The following PGM1 variants were observed in gnomAD, a reference collection of about 807,000 sequenced individuals.
The protein encoded by PGM1 is phosphoglucomutase 1.
In PGM1, 52 loss-of-function variants were observed where a neutral mutation model predicts 55.6. That is an observed-to-expected ratio of 0.94 (90% CI 0.75 to 1.18). The LOEUF is 1.18. Ranked by LOEUF, PGM1 falls within the 50% of genes most tolerant of loss-of-function variation. The pLI is 0.00. For synonymous variants in PGM1, 287 were observed against 271.7 expected (o/e 1.06, Z -0.55); for missense variants, 724 against 729.3 (o/e 0.99, Z 0.08).
At chr1:63,641,159 T>C (rs1649505196) in intron 7 of PGM1, among the ~76,000 whole-genome samples, 1 of 152,214 alleles carries the variant, frequency 6.6e-6, no homozygotes, top group Non-Finnish European at 1.5e-5. Flanking sequence ...TTAAAGTTTG[T>C]TCTCATTTAT....
At position 63,601,461 on chromosome 1, in the gene PGM1, A is replaced by G. The variant is rs572292134; in HGVS notation, c.246+7727A>G. On this transcript the variant is annotated intron_variant, in intron 1 of 10. Coordinates refer to ENST00000371084, the MANE Select transcript of PGM1 (RefSeq NM_002633.3). ...AGCTACACTTCTAAGAAAGTGAAGCAGGAAAGTTTGAACTGATCCCTTTAT... is the reference window on the plus strand; with the variant it reads ...AGCTACACTTCTAAGAAAGTGAAGCGGGAAAGTTTGAACTGATCCCTTTAT... Among the ~76,000 whole-genome samples, 3 of 152,362 alleles carry G rather than the reference A, an allele frequency of 2.0e-5. No homozygotes were observed. The East Asian group carries it at 5.8e-4, about 29-fold the overall frequency.
At chr1:63,624,096 G>A (rs1198758317) in intron 1 of PGM1, among the ~76,000 whole-genome samples, 1 of 152,164 alleles carries the variant, frequency 6.6e-6, no homozygotes, top group Non-Finnish European at 1.5e-5. Flanking sequence ...GGGGCACCCT[G>A]TCCTGTGTAA....
intron 1 of PGM1, among the ~76,000 whole-genome samples, chr1:63,597,876 TTTG>T (rs937697563): frequency 1.8e-4 from 28 of 152,146 alleles, no homozygotes; most frequent in African/African-American, 5.3e-4. Flanking sequence ...AAGGAGGGTA[TTTG>T]TTGTTGTTGT....
At chr1:63,614,729 TGACCTCG>T (rs576817885) in intron 1 of PGM1, among the ~76,000 whole-genome samples, 1 of 152,058 alleles carries the variant, frequency 6.6e-6, no homozygotes, top group East Asian at 1.9e-4. Context: ...ACAATCTACC[TGACCTCG>T]GACAGATGAC....
intron 4 of PGM1, among the ~76,000 whole-genome samples, chr1:63,632,441 C>T (rs954657012): frequency 1.3e-5 from 2 of 152,122 alleles, no homozygotes; most frequent in African/African-American, 4.8e-5. Flanking sequence ...TGATGCAATT[C>T]GGGGATTCCT....
chr1:63,605,541 A>T (rs1017558797), intron 1 of PGM1, among the ~76,000 whole-genome samples: 1 of 152,068 alleles, frequency 6.6e-6, no homozygotes, highest in East Asian at 1.9e-4. Context: ...CCATTGTCTG[A>T]CAGAGAATCC....
In PGM1 at chr1:63,593,600, A is replaced by C; in HGVS notation, c.112A>C (p.Asn38His). 6.2e-7 allele frequency: 1 copy of C among 1,613,510 alleles called. No homozygotes were observed. Among genetic ancestry groups the C allele is most frequent in the Non-Finnish European group, 8.5e-7 (1 of 1,179,882 alleles). ...VFQSSANYAENFIQSIISTVE... is the reference protein window; with the variant it reads ...VFQSSANYAEHFIQSIISTVE... ...CCAGAGCAGCGCCAACTACGCGGAG[A>C]ACTTCATCCAGAGTATCATCTCCAC... Residue 38 changes from asparagine (N) to histidine (H), a missense_variant, in exon 1 of 11, where the codon AAC becomes CAC. Physicochemically the swap from Asn to His is moderately conservative, Grantham distance 68. Transcript: ENST00000371084.
intron 1 of PGM1, among the ~76,000 whole-genome samples, chr1:63,621,773 A>G (rs3790861): frequency 0.091 from 13,900 of 152,180 alleles, 705 homozygotes; most frequent in East Asian, 0.23. Context: ...TGTTAATGTT[A>G]TGTCTCGAGG....
At chr1:63,630,471 C>G (rs924528085) in intron 3 of PGM1, among the ~76,000 whole-genome samples, 3 of 152,192 alleles carry the variant, frequency 2.0e-5, no homozygotes, top group African/African-American at 7.2e-5. Flanking sequence ...GCAGCACTGT[C>G]AGCATTCACT....
intron 4 of PGM1, among the ~76,000 whole-genome samples, chr1:63,633,451 G>A (rs538863531): frequency 1.3e-5 from 2 of 152,238 alleles, no homozygotes; most frequent in Middle Eastern, 3.4e-3. Flanking sequence ...ATTCTGTGGT[G>A]TGTCAGTAAC....
chr1:63,653,835 G>A (rs1649885997), intron 9 of PGM1, among the ~76,000 whole-genome samples: 1 of 152,106 alleles, frequency 6.6e-6, no homozygotes, highest in Non-Finnish European at 1.5e-5. Flanking sequence ...CTGCCATTTG[G>A]GACCTCTGAC....
At position 63,619,741 on chromosome 1, in the gene PGM1, G is replaced by A. The variant is rs532836577; in HGVS notation, c.247-9684G>A. On this transcript the variant is annotated intron_variant, in intron 1 of 10. Transcript: ENST00000371084. ...CTGTCACTGCAACCTCTTCAGAGCC[G>A]CAGCTCTGTAAACACACCTTCAGGA... 1.1e-4 allele frequency among the ~76,000 whole-genome samples: 16 copies of A among 152,196 alleles called. No individual in the cohort carries two copies. In the East Asian group the frequency reaches 2.5e-3, roughly 24 times the overall value.
chr1:63,601,628 T>C (rs1570470781), intron 1 of PGM1, among the ~76,000 whole-genome samples: 1 of 152,278 alleles, frequency 6.6e-6, no homozygotes, highest in Admixed American at 6.5e-5. Flanking sequence ...AGGGCTTCAG[T>C]TGGGAGGACT....
At chr1:63,623,255 T>A in intron 1 of PGM1, 1 of 1,409,060 alleles carries the variant, frequency 7.1e-7, no homozygotes, top group Non-Finnish European at 9.2e-7. Flanking sequence ...TGGGTGCGAG[T>A]GGGTGTGTGG....
chr1:63,607,459 A>G (rs1648452423), intron 1 of PGM1, among the ~76,000 whole-genome samples: 1 of 152,182 alleles, frequency 6.6e-6, no homozygotes, highest in Non-Finnish European at 1.5e-5. Flanking sequence ...CACAGAAGGA[A>G]AAAGAGATGG....
intron 1 of PGM1, among the ~76,000 whole-genome samples, chr1:63,618,105 A>G (rs1437901427): frequency 2.0e-5 from 3 of 152,228 alleles, no homozygotes; most frequent in African/African-American, 7.2e-5. Context: ...CTTGACTACA[A>G]CAAGTAAAGT....
intron 4 of PGM1, among the ~76,000 whole-genome samples, chr1:63,631,989 C>T (rs1649209713): frequency 6.6e-6 from 1 of 152,114 alleles, no homozygotes. Context: ...GTGGTAAGCT[C>T]GTGTGAAGGT....
At chr1:63,635,220 T>C (rs1224692579) in intron 5 of PGM1, among the ~76,000 whole-genome samples, 1 of 152,170 alleles carries the variant, frequency 6.6e-6, no homozygotes, top group African/African-American at 2.4e-5. Context: ...CACATTTAAT[T>C]TCAGACATCC....
intron 6 of PGM1, among the ~76,000 whole-genome samples, chr1:63,637,388 C>G (rs920155291): frequency 6.6e-6 from 1 of 152,204 alleles, no homozygotes; most frequent in African/African-American, 2.4e-5. Flanking sequence ...GCCTTTGCTC[C>G]CACTCACTGG....
Sources: gnomAD v4.1 joint callset for allele counts (sites outside exome capture counted in the v4.1 genomes callset) on GRCh38, gnomAD v4.1.1 for gene constraint, MANE v1.5 for transcripts, NCBI Gene and HGNC (gene_info 2026-07-23, HGNC 2026-07-21) for gene names.